PRKCB: variants seen among roughly 807,000 people sequenced by gnomAD.
PRKCB encodes protein kinase C beta type.
In PRKCB, 13 loss-of-function variants were observed where a neutral mutation model predicts 81.5. The observed-to-expected ratio is 0.16, with a 90% CI of 0.10 to 0.25. The LOEUF (loss-of-function observed/expected upper bound fraction) is 0.25. Among genes scored for constraint, PRKCB ranks in the 10% least tolerant of loss-of-function variants. PRKCB has a pLI of 1.00. For synonymous variants in PRKCB, 335 were observed against 321.4 expected (o/e 1.04, Z -0.45); for missense variants, 509 against 875.7 (o/e 0.58, Z 5.29).
intron 5 of PRKCB, among the ~76,000 whole-genome samples, chr16:24,046,013 C>T (rs1232820434): frequency 1.3e-5 from 2 of 152,234 alleles, no homozygotes; most frequent in Non-Finnish European, 2.9e-5. Flanking sequence ...CATTGGTGAC[C>T]TGCACCTACC....
intron 5 of PRKCB, among the ~76,000 whole-genome samples, chr16:24,088,848 C>A (rs1204931985): frequency 6.6e-6 from 1 of 152,034 alleles, no homozygotes; most frequent in African/African-American, 2.4e-5. Context: ...GATAGAAGAT[C>A]TTTTTCCAGT....
At chr16:23,997,127 T>TAA (rs1964968595) in intron 3 of PRKCB, among the ~76,000 whole-genome samples, 1 of 152,178 alleles carries the variant, frequency 6.6e-6, no homozygotes, top group Non-Finnish European at 1.5e-5. Flanking sequence ...TATTGATAGT[T>TAA]AACACTGCCA....
At chr16:24,002,621 G>A (rs1428217132) in intron 3 of PRKCB, among the ~76,000 whole-genome samples, 2 of 152,156 alleles carry the variant, frequency 1.3e-5, no homozygotes, top group Non-Finnish European at 2.9e-5. Flanking sequence ...TTACAGGTGT[G>A]AGCCACTGCG....
intron 13 of PRKCB, among the ~76,000 whole-genome samples, chr16:24,184,144 A>G (rs1026219303): frequency 1.3e-5 from 2 of 152,234 alleles, no homozygotes; most frequent in East Asian, 3.8e-4. Context: ...GTTCATATAC[A>G]AATATTAAAT....
chr16:24,205,308 T>G (rs1352637174), intron 16 of PRKCB, among the ~76,000 whole-genome samples: 1 of 151,838 alleles, frequency 6.6e-6, no homozygotes, highest in Admixed American at 6.6e-5. Flanking sequence ...TGCACCACCA[T>G]GCCTGGCCAA....
At chr16:24,104,964 G>A (rs114561009) in intron 7 of PRKCB, among the ~76,000 whole-genome samples, 4,082 of 152,174 alleles carry the variant, frequency 0.027, 188 homozygotes, top group African/African-American at 0.091. Context: ...TGGTGTGGTC[G>A]ATCCCTTTTC....
At chr16:24,052,074 CAAA>C (rs71154271) in intron 5 of PRKCB, among the ~76,000 whole-genome samples, 4 of 91,176 alleles carry the variant, frequency 4.4e-5, no homozygotes, top group Non-Finnish European at 2.5e-5. Flanking sequence ...GACTCCGTCT[CAAA>C]AAAAAAAAAA....
chr16:23,976,225 G>A (rs1031912400), intron 2 of PRKCB, among the ~76,000 whole-genome samples: 1 of 151,960 alleles, frequency 6.6e-6, no homozygotes, highest in Admixed American at 6.6e-5. Flanking sequence ...ATGAATCCAG[G>A]TGCTCAAGGT....
intron 3 of PRKCB, among the ~76,000 whole-genome samples, chr16:24,030,716 C>CA (rs59739745): frequency 0.35 from 46,201 of 131,282 alleles, 8,065 homozygotes; most frequent in Middle Eastern, 0.48. Context: ...CCCCTCTCTA[C>CA]AAAAAAAAAA....
At chr16:24,094,426 G>A in intron 7 of PRKCB, 129 bp downstream of exon 7, 4 of 1,256,464 alleles carry the variant, frequency 3.2e-6, no homozygotes, top group Non-Finnish European at 4.4e-6. Context: ...CTGGTTGATT[G>A]GATCTGCCTT....
intron 2 of PRKCB, among the ~76,000 whole-genome samples, chr16:23,987,656 T>A (rs1439412910): frequency 1.3e-5 from 2 of 152,180 alleles, no homozygotes; most frequent in Non-Finnish European, 2.9e-5. Flanking sequence ...TGAGGTTTCC[T>A]GTTCTATTTT....
intron 7 of PRKCB, among the ~76,000 whole-genome samples, 157 bp from the exon 8 acceptor site, chr16:24,112,816 C>T (rs189920712): frequency 7.1e-6 from 1 of 141,288 alleles, no homozygotes; most frequent in Admixed American, 7.1e-5. Context: ...ACTACCCCCA[C>T]CCAACATACT....
chr16:24,107,657 C>T (rs1596550636), intron 7 of PRKCB, among the ~76,000 whole-genome samples: 1 of 152,238 alleles, frequency 6.6e-6, no homozygotes, highest in Non-Finnish European at 1.5e-5. Flanking sequence ...CAGCGTCCTT[C>T]ACTCACTCTG....
At chr16:24,116,442 G>T (rs753210938) in intron 8 of PRKCB, among the ~76,000 whole-genome samples, 1 of 151,978 alleles carries the variant, frequency 6.6e-6, no homozygotes, top group African/African-American at 2.4e-5. Context: ...TAGCACTTAC[G>T]TATTCCCAAA....
intron 3 of PRKCB, among the ~76,000 whole-genome samples, chr16:24,027,959 A>T (rs1467935311): frequency 6.6e-6 from 1 of 152,148 alleles, no homozygotes; most frequent in East Asian, 1.9e-4. Flanking sequence ...TAGTAGAGAC[A>T]GGGTCTCACT....
At chr16:24,096,814 T>C (rs1054090903) in intron 7 of PRKCB, among the ~76,000 whole-genome samples, 6 of 150,868 alleles carry the variant, frequency 4.0e-5, no homozygotes, top group Admixed American at 3.3e-4. Flanking sequence ...ACTATAACTT[T>C]GGGAGAAGTG....
chr16:24,206,799 G>T (rs1463361426), intron 16 of PRKCB, among the ~76,000 whole-genome samples: 1 of 152,208 alleles, frequency 6.6e-6, no homozygotes, highest in Admixed American at 6.5e-5. Flanking sequence ...GACAAGAACA[G>T]GTACCCTCTT....
At chr16:23,913,535 T>A (rs1423311161) in intron 2 of PRKCB, among the ~76,000 whole-genome samples, 2 of 152,074 alleles carry the variant, frequency 1.3e-5, no homozygotes, top group African/African-American at 2.4e-5. Context: ...GTTGTAGAAG[T>A]GGGAAAGCCA....
At chr16:23,961,112 T>C (rs1964420076) in intron 2 of PRKCB, among the ~76,000 whole-genome samples, 1 of 152,220 alleles carries the variant, frequency 6.6e-6, no homozygotes, top group Non-Finnish European at 1.5e-5. Context: ...TCTCATTATG[T>C]TGCGCAGACT....
Sources: gnomAD v4.1 joint callset for allele counts (sites outside exome capture counted in the v4.1 genomes callset) on GRCh38, gnomAD v4.1.1 for gene constraint, MANE v1.5 for transcripts, NCBI Gene and HGNC (gene_info 2026-07-23, HGNC 2026-07-21) for gene names.